Variants in EXD3 observed in about 807,000 individuals in gnomAD.
EXD3 encodes the protein exonuclease mut-7 homolog.
A neutral mutation model predicts 98.0 loss-of-function variants in EXD3; 92 were observed. That is an observed-to-expected ratio of 0.94 (90% confidence interval 0.79 to 1.12). The LOEUF (loss-of-function observed/expected upper bound fraction) is 1.12. Among genes scored for constraint, EXD3 ranks in the 50% most tolerant of loss-of-function variants. The pLI, the probability that EXD3 is intolerant of heterozygous loss-of-function variation, is 0.00. For missense variants in EXD3, 1,222 were observed against 1,191.6 expected, an observed-to-expected ratio of 1.03 and a Z score of -0.38; for synonymous variants, 569 against 526.0, an observed-to-expected ratio of 1.08 and a Z score of -1.12.
At position 137,307,065 on chromosome 9, in the gene EXD3, A is replaced by G. The variant is rs750685846; in HGVS notation, c.2516T>C (p.Phe839Ser). The G allele has an allele frequency of 3.7e-6, 6 of 1,611,940 alleles. No individual in the cohort carries two copies. The South Asian group carries it at 6.6e-5, about 18-fold the overall frequency. ...ACGACCCAGGTGGGAGCCGTCCCAG[A>G]AGACCTTTCCACAGCCCGTGCAGCA... is the stretch of plus-strand genomic sequence containing the variant. ...FYCCTGCGKV[F>S]WDGSHLGRVA... Residue 839 changes from phenylalanine (F) to serine (S), a missense_variant, in exon 22 of 22, where the codon TTC (phenylalanine) becomes TCC (serine). Transcript: ENST00000340951.
At position 137,367,998 on chromosome 9, in the gene EXD3, C is replaced by T; in HGVS notation, c.463-9G>A. ...GCGCCCAGCGTGGCTGCCTGGCAAA[C>T]ACAAAGGCGGCAGATTACTCAGGGC... is the stretch of plus-strand genomic sequence containing the variant. On this transcript the variant is annotated splice_polypyrimidine_tract_variant and intron_variant, in intron 5 of 21. Transcript: ENST00000340951. 3 of 1,607,154 alleles carry T rather than the reference C, an allele frequency of 1.9e-6. No individual in the cohort carries two copies. Among genetic ancestry groups the T allele is most frequent in the Non-Finnish European group, 2.5e-6 (3 of 1,179,320 alleles).
At chr9:137,333,595 C>T (rs1026616084) in intron 17 of EXD3, among the ~76,000 whole-genome samples, 6 of 152,076 alleles carry the variant, frequency 3.9e-5, no homozygotes, top group Non-Finnish European at 8.8e-5. Flanking sequence ...TAGCACTGTC[C>T]CCCTTGGTCC....
intron 17 of EXD3, among the ~76,000 whole-genome samples, chr9:137,328,545 C>T (rs549310045): frequency 1.3e-4 from 20 of 150,662 alleles, no homozygotes; most frequent in Non-Finnish European, 2.4e-4. Context: ...CCAAAGGAAA[C>T]GGGTCAAAGG....
At chr9:137,365,857 G>GCA (rs1270058721) in intron 7 of EXD3, 7 of 353,398 alleles carry the variant, frequency 2.0e-5, no homozygotes, top group Non-Finnish European at 3.3e-5. Flanking sequence ...CGAACACAAT[G>GCA]CACACACAGA....
At chr9:137,307,539 C>T (rs1235645769) in intron 21 of EXD3, 69 bp downstream of exon 21, 2 of 1,575,892 alleles carry the variant, frequency 1.3e-6, no homozygotes, top group Non-Finnish European at 1.7e-6. Flanking sequence ...GTCCCCCATT[C>T]TGGGGGAAGC....
chr9:137,335,190 C>A (rs887841865), intron 17 of EXD3, among the ~76,000 whole-genome samples: 10 of 152,008 alleles, frequency 6.6e-5, no homozygotes, highest in Admixed American at 2.6e-4. Flanking sequence ...ACAAGGAACT[C>A]AAACAAATCC....
At position 137,306,913 on chromosome 9, in the gene EXD3, C is replaced by T. The variant is rs1288679953; in HGVS notation, c.*37G>A. On this transcript the variant is annotated 3_prime_UTR_variant, in exon 22 of 22. Transcript: ENST00000340951. ...AGCCAGTCCACGGCCATGGGCCCAG[C>T]AGTCGGGCACTTTCCATGTTTATTG... The T allele has an allele frequency of 3.0e-5, 46 of 1,523,864 alleles. No homozygotes were observed. The highest frequency in any genetic ancestry group is 3.9e-5 in the Non-Finnish European group (44 of 1,136,018). The allele number at this position is 1,523,864 out of a possible 1,614,324, so 94.4% of individuals were successfully genotyped here.
At chr9:137,355,523 AG>A (rs1301619676) in intron 8 of EXD3, among the ~76,000 whole-genome samples, 6 of 97,606 alleles carry the variant, frequency 6.1e-5, no homozygotes, top group African/African-American at 1.1e-4. Flanking sequence ...AGGAGGAAGG[AG>A]GATGGAGGAA....
intron 16 of EXD3, among the ~76,000 whole-genome samples, 184 bp downstream of exon 16, chr9:137,348,926 C>G (rs557977586): frequency 6.6e-6 from 1 of 151,982 alleles, no homozygotes; most frequent in African/African-American, 2.4e-5. Context: ...CCCAGGCAAG[C>G]GCAGCCCCCG....
At chr9:137,413,588 C>T (rs1291158512) in intron 1 of EXD3, among the ~76,000 whole-genome samples, 3 of 150,718 alleles carry the variant, frequency 2.0e-5, no homozygotes, top group Non-Finnish European at 4.4e-5. Flanking sequence ...TCACTGTAAC[C>T]GCCTCCTGGC....
At chr9:137,392,608 G>A (rs1003892488) in intron 2 of EXD3, 6 of 289,440 alleles carry the variant, frequency 2.1e-5, no homozygotes, top group Non-Finnish European at 4.1e-5. Context: ...CACGAACCAT[G>A]TAAGGGCAGA....
At chr9:137,408,416 G>A (rs1207445541) in intron 1 of EXD3, among the ~76,000 whole-genome samples, 3 of 151,770 alleles carry the variant, frequency 2.0e-5, no homozygotes, top group Admixed American at 6.6e-5. Context: ...GCGTGGTGGC[G>A]GGCGCCTGTA....
chr9:137,326,632 C>T (rs754427045), intron 17 of EXD3, among the ~76,000 whole-genome samples: 31 of 152,162 alleles, frequency 2.0e-4, no homozygotes, highest in Middle Eastern at 3.4e-3. Flanking sequence ...TCGTCATGAG[C>T]GACATGCAAA....
At chr9:137,392,876 G>A (rs1837004698) in intron 2 of EXD3, 2 of 444,142 alleles carry the variant, frequency 4.5e-6, no homozygotes, top group Non-Finnish European at 8.4e-6. Context: ...GTTCCAGGGA[G>A]GACCATTAGT....
chr9:137,309,757 C>G (rs1302458976), intron 19 of EXD3, 57 bp from the exon 20 acceptor site: 3 of 1,331,998 alleles, frequency 2.3e-6, no homozygotes, highest in South Asian at 1.3e-5. Flanking sequence ...TGCCCCATAC[C>G]CCAGCCCTCT....
chr9:137,372,257 G>A (rs989185455), intron 5 of EXD3, among the ~76,000 whole-genome samples: 1 of 152,220 alleles, frequency 6.6e-6, no homozygotes, highest in Non-Finnish European at 1.5e-5. Context: ...GCACCTGGGC[G>A]ACTGTGCCGA....
At position 137,360,435 on chromosome 9, in the gene EXD3, T is replaced by C. The variant is rs1229305596; in HGVS notation, c.657-4067A>G. ...GTCAATCTTCTTCTGTTATTCTCTT[T>C]CTTTCATCCTTCCTTCCTTTTCTTC... On this transcript the variant is annotated intron_variant, in intron 7 of 21. Transcript: ENST00000340951. Among the ~76,000 whole-genome samples, 4 of 79,064 alleles carry C rather than the reference T, an allele frequency of 5.1e-5. 2 individuals carry two copies. The highest frequency in any genetic ancestry group is 1.2e-4 in the Non-Finnish European group (4 of 33,532). 51.9% of individuals were successfully genotyped at this position (79,064 alleles called of 152,430 possible). A position where few individuals can be genotyped will look rare whatever the true frequency, so the allele number is the denominator to read the frequency against.
rs537810855 is a variant in EXD3, at chr9:137,325,486, G to A, written c.1999-1343C>T. On this transcript the variant is annotated intron_variant, in intron 17 of 21. Coordinates refer to ENST00000340951, the MANE Select transcript of EXD3 (RefSeq NM_017820.5). ...CTCACTGTGTCGCCCAGGCTGGAGT[G>A]CAGTGGCACAATCTCGGCTCACTGC... Among the ~76,000 whole-genome samples, 5 of 152,076 alleles carry A rather than the reference G, an allele frequency of 3.3e-5. No homozygotes were observed. In the East Asian group the frequency reaches 9.7e-4, roughly 29 times the overall value.
intron 17 of EXD3, among the ~76,000 whole-genome samples, chr9:137,327,087 C>A (rs1832447501): frequency 6.6e-6 from 1 of 151,768 alleles, no homozygotes; most frequent in African/African-American, 2.4e-5. Context: ...GGAACAGTGG[C>A]CACCAGGGCT....
Sources: allele counts gnomAD v4.1 joint callset (sites outside exome capture counted in the v4.1 genomes callset), GRCh38; gene constraint gnomAD v4.1.1; transcripts MANE v1.5; gene names NCBI Gene and HGNC (gene_info 2026-07-23, HGNC 2026-07-21).